FRMD4B: variants seen among roughly 807,000 people sequenced by gnomAD.
FRMD4B encodes the protein FERM domain-containing protein 4B.
In FRMD4B, 74 loss-of-function variants were observed where a neutral mutation model predicts 141.5. That is an observed-to-expected ratio of 0.52 (90% confidence interval 0.43 to 0.63). The LOEUF (loss-of-function observed/expected upper bound fraction) is 0.63, where lower values mean the gene tolerates loss of function less well. FRMD4B is among the 30% of genes least tolerant of loss of function. The pLI is 0.00. For missense variants in FRMD4B, 1,366 were observed against 1,253.4 expected (o/e 1.09, Z -1.36); for synonymous variants, 506 against 467.9 (o/e 1.08, Z -1.05).
chr3:69,269,007 C>T (rs1400239150), intron 5 of FRMD4B, among the ~76,000 whole-genome samples: 2 of 150,568 alleles, frequency 1.3e-5, no homozygotes, highest in Non-Finnish European at 2.9e-5. Context: ...TGGCTCACTG[C>T]AATCTCTGCC....
chr3:69,226,126 A>G (rs1048884762), intron 7 of FRMD4B, among the ~76,000 whole-genome samples: 1 of 152,170 alleles, frequency 6.6e-6, no homozygotes, highest in Non-Finnish European at 1.5e-5. Flanking sequence ...TTGCTATTAC[A>G]TTTCAAAGCC....
At chr3:69,401,339 T>G (rs1704560492) in intron 2 of FRMD4B, among the ~76,000 whole-genome samples, 1 of 152,212 alleles carries the variant, frequency 6.6e-6, no homozygotes, top group Non-Finnish European at 1.5e-5. Flanking sequence ...GCTTGGGGGT[T>G]GTCCCAAAGC....
chr3:69,270,424 G>A (rs2093588664), intron 5 of FRMD4B, among the ~76,000 whole-genome samples: 1 of 152,194 alleles, frequency 6.6e-6, no homozygotes, highest in Admixed American at 6.5e-5. Context: ...GATGACAGAT[G>A]TACAGGTAAA....
chr3:69,333,290 G>A (rs775871195), intron 1 of FRMD4B, among the ~76,000 whole-genome samples: 1 of 152,144 alleles, frequency 6.6e-6, no homozygotes, highest in Non-Finnish European at 1.5e-5. Context: ...TCAGAGTCCT[G>A]AAGGCTTTAG....
intron 1 of FRMD4B, among the ~76,000 whole-genome samples, chr3:69,498,941 T>A (rs752388483): frequency 3.3e-5 from 5 of 152,112 alleles, no homozygotes; most frequent in Admixed American, 1.3e-4. Context: ...GGAAGATAAC[T>A]AAGCAAAAAA....
intron 1 of FRMD4B, among the ~76,000 whole-genome samples, chr3:69,510,465 T>A (rs946137393): frequency 6.6e-6 from 1 of 152,186 alleles, no homozygotes; most frequent in Non-Finnish European, 1.5e-5. Context: ...CAGTTTCCAC[T>A]TGGGGAGAAA....
intron 1 of FRMD4B, among the ~76,000 whole-genome samples, chr3:69,439,750 T>C (rs985713839): frequency 6.6e-6 from 1 of 152,244 alleles, no homozygotes; most frequent in African/African-American, 2.4e-5. Context: ...AGTCTCATTG[T>C]CAGCCTTTTG....
chr3:69,215,284 C>CTTTTTTTGTTTTTTTTT (rs2093129000), intron 11 of FRMD4B, among the ~76,000 whole-genome samples: 1 of 45,208 alleles, frequency 2.2e-5, no homozygotes, highest in Non-Finnish European at 4.3e-5. Context: ...TTGTGACCCT[C>CTTTTTTTGTTTTTTTTT]TTTTTTTTTT....
chr3:69,345,528 G>A (rs905111910), intron 1 of FRMD4B, among the ~76,000 whole-genome samples: 8 of 152,218 alleles, frequency 5.3e-5, no homozygotes, highest in Non-Finnish European at 1.2e-4. Context: ...AGAACGGACA[G>A]ACTGCCTCCT....
At chr3:69,373,831 C>T (rs867280956) in intron 1 of FRMD4B, among the ~76,000 whole-genome samples, 1 of 152,280 alleles carries the variant, frequency 6.6e-6, no homozygotes, top group African/African-American at 2.4e-5. Context: ...TATGATTGCA[C>T]CAATGCACTC....
intron 2 of FRMD4B, among the ~76,000 whole-genome samples, chr3:69,391,658 A>G (rs1240768359): frequency 6.6e-6 from 1 of 152,184 alleles, no homozygotes; most frequent in African/African-American, 2.4e-5. Flanking sequence ...TGGGCCATGC[A>G]CTGTTATGAA....
intron 2 of FRMD4B, among the ~76,000 whole-genome samples, chr3:69,417,290 C>A (rs923262426): frequency 6.6e-6 from 1 of 152,188 alleles, no homozygotes; most frequent in Non-Finnish European, 1.5e-5. Context: ...ATTTGCATTT[C>A]TCTAATGACC....
intron 5 of FRMD4B, among the ~76,000 whole-genome samples, chr3:69,258,421 A>C (rs1433357050): frequency 6.6e-6 from 1 of 152,000 alleles, no homozygotes; most frequent in Non-Finnish European, 1.5e-5. Flanking sequence ...TAATGTTTTC[A>C]TCTTAGGGAA....
chr3:69,522,637 G>C (rs1347286063), intron 1 of FRMD4B, among the ~76,000 whole-genome samples: 1 of 152,106 alleles, frequency 6.6e-6, no homozygotes, highest in East Asian at 1.9e-4. Flanking sequence ...CGTCTTGCCA[G>C]TCAAGTATGC....
At chr3:69,491,687 A>G (rs957179133) in intron 1 of FRMD4B, among the ~76,000 whole-genome samples, 1 of 152,214 alleles carries the variant, frequency 6.6e-6, no homozygotes, top group Non-Finnish European at 1.5e-5. Flanking sequence ...GTCAATCAAT[A>G]AAATGTCAAA....
chr3:69,523,009 GA>G (rs1366626880), intron 1 of FRMD4B, among the ~76,000 whole-genome samples: 1 of 151,182 alleles, frequency 6.6e-6, no homozygotes, highest in Non-Finnish European at 1.5e-5. Context: ...TCCTCTGAGG[GA>G]AAAATTTTCA....
intron 5 of FRMD4B, among the ~76,000 whole-genome samples, chr3:69,267,150 G>A (rs1250739911): frequency 2.0e-5 from 3 of 152,312 alleles, no homozygotes; most frequent in East Asian, 1.9e-4. Context: ...GTTCCCAGAT[G>A]TTTCTGATTC....
chr3:69,197,150 T>C (rs939136069), intron 12 of FRMD4B, 112 bp from the exon 13 acceptor site: 1 of 784,392 alleles, frequency 1.3e-6, no homozygotes, highest in Non-Finnish European at 2.0e-6. Flanking sequence ...TGTCTTCTGT[T>C]GCAAAAACTC....
At position 69,266,355 on chromosome 3, in the gene FRMD4B, G is replaced by A. The variant is rs554706624; in HGVS notation, c.502-16256C>T. Reference sequence around the variant, plus strand: ...TTTTTGTGTGTGCGTGTGAGATGGAGCAGCCTGCCGCCCAGGCTGGAGTGT... The same window carrying A: ...TTTTTGTGTGTGCGTGTGAGATGGAACAGCCTGCCGCCCAGGCTGGAGTGT... On this transcript the variant is annotated intron_variant, in intron 5 of 22. Transcript: ENST00000398540. Among the ~76,000 whole-genome samples, 31 of 152,268 alleles carry A rather than the reference G, an allele frequency of 2.0e-4. 2 individuals carry two copies. The South Asian group carries it at 6.0e-3, about 30-fold the overall frequency.
Sources: gnomAD v4.1 joint callset for allele counts (sites outside exome capture counted in the v4.1 genomes callset) on GRCh38, gnomAD v4.1.1 for gene constraint, MANE v1.5 for transcripts, NCBI Gene and HGNC (gene_info 2026-07-23, HGNC 2026-07-21) for gene names.